The following UBE3A variants were observed in gnomAD, a reference collection of about 807,000 sequenced individuals.
UBE3A encodes the protein ubiquitin-protein ligase E3A.
In UBE3A, 6 loss-of-function variants were observed where a neutral mutation model predicts 83.4. The observed-to-expected ratio is 0.07, with a 90% CI of 0.04 to 0.14. The LOEUF is 0.14. Among genes scored for constraint, UBE3A ranks in the 10% least tolerant of loss-of-function variants. The probability of loss-of-function intolerance (pLI) is 1.00; values close to 1 mark genes in which losing one functional copy is unlikely to be tolerated. For missense variants in UBE3A, 456 were observed against 1,036.1 expected (o/e 0.44, Z 7.69); for synonymous variants, 337 against 355.4 (o/e 0.95, Z 0.58).
chr15:25,356,668 TA>T, intron 8 of UBE3A, 22 bp downstream of exon 8: 1 of 1,607,952 alleles, frequency 6.2e-7, no homozygotes, highest in Middle Eastern at 2.2e-4. Context: ...GAGACTGAAT[TA>T]AAAAAATGAC....
At chr15:25,420,095 A>C (rs1452647962) in intron 1 of UBE3A, among the ~76,000 whole-genome samples, 1 of 152,174 alleles carries the variant, frequency 6.6e-6, no homozygotes, top group Non-Finnish European at 1.5e-5. Context: ...TGAAAGCAAG[A>C]TGCAACTATA....
At chr15:25,434,422 A>G (rs1052572112) in intron 1 of UBE3A, among the ~76,000 whole-genome samples, 2 of 152,218 alleles carry the variant, frequency 1.3e-5, no homozygotes, top group Admixed American at 1.3e-4. Flanking sequence ...AAAATTTTTA[A>G]TATTATCTTT....
chr15:25,407,366 T>G, intron 3 of UBE3A: 5 of 720,440 alleles, frequency 6.9e-6, no homozygotes, highest in Non-Finnish European at 8.7e-6. Flanking sequence ...GACATGATGA[T>G]AGGAAAATAA....
Position 25,356,573 on chromosome 15 carries a change from A to G in UBE3A, c.1959+118T>C, listed in dbSNP as rs760948659. 3 of 988,788 alleles carry G rather than the reference A, an allele frequency of 3.0e-6. No homozygotes were observed. In the South Asian group the frequency reaches 4.5e-5, roughly 15 times the overall value. 61.3% of individuals were successfully genotyped at this position (988,788 alleles called of 1,614,324 possible). A position where few individuals can be genotyped will look rare whatever the true frequency, so the allele number is the denominator to read the frequency against. On this transcript the variant is annotated intron_variant, in intron 8 of 12. Transcript: ENST00000648336. Reference sequence around the variant, plus strand: ...GGTCAGATTAAAACATTTTTATCTTATTGATAAGAGTATCAACAAAGATTC... The same window carrying G: ...GGTCAGATTAAAACATTTTTATCTTGTTGATAAGAGTATCAACAAAGATTC...
chr15:25,388,379 A>G (rs1412782145), intron 4 of UBE3A, among the ~76,000 whole-genome samples: 1 of 152,238 alleles, frequency 6.6e-6, no homozygotes, highest in African/African-American at 2.4e-5. Context: ...TCACATGACC[A>G]TACCATAGAT....
intron 1 of UBE3A, among the ~76,000 whole-genome samples, chr15:25,413,804 A>C (rs2090420148): frequency 6.6e-6 from 1 of 151,894 alleles, no homozygotes; most frequent in African/African-American, 2.4e-5. Context: ...ATCCTACTTA[A>C]TTTTTGTAGC....
At chr15:25,433,195 T>C (rs1211701104) in intron 1 of UBE3A, among the ~76,000 whole-genome samples, 1 of 151,170 alleles carries the variant, frequency 6.6e-6, no homozygotes, top group Non-Finnish European at 1.5e-5. Context: ...TCTAAAAAGT[T>C]TTTTTTTTTT....
intron 6 of UBE3A, among the ~76,000 whole-genome samples, chr15:25,362,390 T>C (rs916614725): frequency 6.6e-6 from 1 of 152,214 alleles, no homozygotes; most frequent in African/African-American, 2.4e-5. Flanking sequence ...GAATTCACCT[T>C]ACTAGTCCCA....
chr15:25,336,784 T>C lies in UBE3A; in HGVS notation c.*2353A>G, dbSNP rs1355968067. ...ACCAGTTACTTTAGTTTATGGTTCC[T>C]TTTTTTCCCTCCAGAGCTTCCTGGA... On this transcript the variant is annotated 3_prime_UTR_variant, in exon 13 of 13. Coordinates refer to ENST00000648336, the MANE Select transcript of UBE3A (RefSeq NM_130839.5). The C allele has an allele frequency of 6.6e-6, 1 of 152,142 alleles. No homozygotes were observed. The highest frequency in any genetic ancestry group is 2.4e-5 in the African/African-American group (1 of 41,440). The allele number at this position is 152,142 out of a possible 1,614,324, so 9.4% of individuals were successfully genotyped here. A position where few individuals can be genotyped will look rare whatever the true frequency, so the allele number is the denominator to read the frequency against.
intron 1 of UBE3A, among the ~76,000 whole-genome samples, chr15:25,427,152 T>A (rs1383282213): frequency 6.6e-6 from 1 of 152,080 alleles, no homozygotes; most frequent in Non-Finnish European, 1.5e-5. Flanking sequence ...CACTTACAAA[T>A]AACTGAATGT....
At chr15:25,378,274 T>G (rs2081565680) in intron 4 of UBE3A, among the ~76,000 whole-genome samples, 1 of 152,106 alleles carries the variant, frequency 6.6e-6, no homozygotes, top group Non-Finnish European at 1.5e-5. Flanking sequence ...AGGAGAGTGA[T>G]CAGCACAAAC....
At chr15:25,356,356 G>A (rs924951405) in intron 8 of UBE3A, among the ~76,000 whole-genome samples, 3 of 152,004 alleles carry the variant, frequency 2.0e-5, no homozygotes, top group Admixed American at 6.6e-5. Flanking sequence ...GTAGGAGCAG[G>A]CACACTCGTT....
intron 1 of UBE3A, among the ~76,000 whole-genome samples, chr15:25,433,778 T>A (rs2153188155): frequency 6.6e-6 from 1 of 152,256 alleles, no homozygotes; most frequent in South Asian, 2.1e-4. Context: ...AAGACCAGTA[T>A]TTTTTAAAAA....
At chr15:25,376,350 A>C (rs749811260) in intron 4 of UBE3A, among the ~76,000 whole-genome samples, 3 of 152,232 alleles carry the variant, frequency 2.0e-5, no homozygotes, top group African/African-American at 7.2e-5. Context: ...CACTGAAAGA[A>C]AGCGGCTGCA....
Position 25,371,676 on chromosome 15 carries a change from T to C in UBE3A, c.498A>G (p.Lys166=). 1 of 1,614,106 alleles carries C rather than the reference T, an allele frequency of 6.2e-7. No homozygotes were observed. Among genetic ancestry groups the C allele is most frequent in the South Asian group, 1.1e-5 (1 of 91,074 alleles). Residue 166 remains lysine (K), a synonymous_variant, in exon 6 of 13, where the codon AAA becomes AAG. Coordinates refer to ENST00000648336, the MANE Select transcript of UBE3A (RefSeq NM_130839.5). This position sits in a 1 kb window ranked among gnomAD's most constrained non-coding sequence, Gnocchi z 5.3. ...SAEALVQSFR[K]VKQHTKEELK... ...GTTCTTCCTTGGTGTGTTGTTTAAC[T>C]TTCCGGAAGCTCTGTACCAATGCCT...
intron 2 of UBE3A, among the ~76,000 whole-genome samples, chr15:25,409,576 T>G (rs2089489785): frequency 6.6e-6 from 1 of 151,868 alleles, no homozygotes; most frequent in South Asian, 2.1e-4. Context: ...TTGCCCAAGA[T>G]TTTGGAACTA....
chr15:25,364,500 A>AT (rs1279500150), intron 6 of UBE3A, among the ~76,000 whole-genome samples: 2 of 152,144 alleles, frequency 1.3e-5, no homozygotes, highest in East Asian at 3.8e-4. Flanking sequence ...ATAAAACTGT[A>AT]TTTTTTAAGT....
intron 4 of UBE3A, among the ~76,000 whole-genome samples, chr15:25,383,745 T>A (rs1198775676): frequency 6.6e-6 from 1 of 152,198 alleles, no homozygotes; most frequent in Non-Finnish European, 1.5e-5. Context: ...TATTCAATGA[T>A]GAAAAACTGA....
intron 6 of UBE3A, among the ~76,000 whole-genome samples, chr15:25,365,061 T>C (rs1334504058): frequency 6.6e-6 from 1 of 152,324 alleles, no homozygotes; most frequent in Non-Finnish European, 1.5e-5. Flanking sequence ...TATAATCATA[T>C]CTACCTCTTC....
Sources: gnomAD v4.1 joint callset for allele counts (sites outside exome capture counted in the v4.1 genomes callset) on GRCh38, gnomAD v4.1.1 for gene constraint, Gnocchi (gnomAD v3.1) non-coding constraint, MANE v1.5 for transcripts, NCBI Gene and HGNC (gene_info 2026-07-23, HGNC 2026-07-21) for gene names.